LINGO1: variants seen among roughly 807,000 people sequenced by gnomAD.
LINGO1 encodes the protein leucine rich repeat and Ig domain containing 1.
LINGO1 carries 11 observed loss-of-function variants against 37.3 expected under a neutral mutation model. The ratio of observed to expected loss-of-function variants is 0.29; its 90% confidence interval spans 0.19 to 0.49. The LOEUF is 0.49. Among genes scored for constraint, LINGO1 ranks in the 20% least tolerant of loss-of-function variants. LINGO1 has a pLI of 0.99. For missense variants in LINGO1, 585 were observed against 878.2 expected (o/e 0.67, Z 4.22); for synonymous variants, 387 against 403.0 (o/e 0.96, Z 0.48).
chr15:77,640,257 CCCTGTGAG>C (rs2074475930), intron 3 of LINGO1, among the ~76,000 whole-genome samples: 1 of 152,184 alleles, frequency 6.6e-6, no homozygotes, highest in Non-Finnish European at 1.5e-5. Context: ...TTTGCAGAGA[CCCTGTGAG>C]CCAAGCCTGG....
At chr15:77,719,555 G>A (rs73465837) in intron 2 of LINGO1, among the ~76,000 whole-genome samples, 2,325 of 149,630 alleles carry the variant, frequency 0.016, 103 homozygotes, top group African/African-American at 0.054. Flanking sequence ...CTCGGCTCCT[G>A]CCGGCATATG....
At chr15:77,639,991 T>C (rs1315724933) in intron 3 of LINGO1, among the ~76,000 whole-genome samples, 1 of 152,176 alleles carries the variant, frequency 6.6e-6, no homozygotes, top group African/African-American at 2.4e-5. Flanking sequence ...TCAGCAACGC[T>C]ATGGGCTCCC....
chr15:77,764,025 C>T (rs957744981), intron 1 of LINGO1, among the ~76,000 whole-genome samples: 26 of 152,218 alleles, frequency 1.7e-4, no homozygotes, highest in African/African-American at 6.3e-4. Flanking sequence ...CTCAGTTCTC[C>T]AAAGGAGAAC....
rs542621106 is a variant in LINGO1 at position 77,784,711 on chromosome 15, G to A, written c.-257+2158C>T. On this transcript the variant is annotated intron_variant, in intron 1 of 3. Coordinates refer to the LINGO1 transcript ENST00000561686. ...TTTTAAAGCCTCTCTCGGTGGCTCA[G>A]AGGCATGAGTAGTCTTACACCTGGG... 4 of 150,524 alleles carry A rather than the reference G, an allele frequency of 2.7e-5. No homozygotes were observed. In the South Asian group the frequency reaches 8.6e-4, roughly 32 times the overall value. The allele number at this position is 150,524 out of a possible 1,614,324, so 9.3% of individuals were successfully genotyped here. A position where few individuals can be genotyped will look rare whatever the true frequency, so the allele number is the denominator to read the frequency against.
At chr15:77,767,966 ACACT>A (rs1449181543) in intron 1 of LINGO1, among the ~76,000 whole-genome samples, 1 of 152,242 alleles carries the variant, frequency 6.6e-6, no homozygotes, top group African/African-American at 2.4e-5. Flanking sequence ...AGGGAAGTAA[ACACT>A]CAAACAATCC....
rs185015692 is a variant in LINGO1 at position 77,713,693 on chromosome 15, C to T, written c.-195+21299G>A. Among the ~76,000 whole-genome samples, 243 of 152,186 alleles carry T rather than the reference C, an allele frequency of 1.6e-3. 3 individuals carry two copies. Among genetic ancestry groups the T allele is most frequent in the African/African-American group, 5.3e-3 (220 of 41,518 alleles). On this transcript the variant is annotated intron_variant, in intron 2 of 3. Transcript: ENST00000561686. ...GAATCAGGTTTGTGGACTGTGCCAA[C>T]GTCAGTGACCTGTCTCTGATATTGT...
chr15:77,718,943 G>GGGGCT (rs1273717890), intron 2 of LINGO1, among the ~76,000 whole-genome samples: 7 of 150,750 alleles, frequency 4.6e-5, no homozygotes, highest in Non-Finnish European at 5.9e-5. Context: ...AAGAGAGGCT[G>GGGGCT]GGGCTGGGCT....
At chr15:77,765,326 A>C (rs2076516746) in intron 1 of LINGO1, among the ~76,000 whole-genome samples, 5 of 152,056 alleles carry the variant, frequency 3.3e-5, no homozygotes, top group Admixed American at 2.6e-4. Flanking sequence ...GAGACATGAG[A>C]ATCGCTTGAA....
intron 2 of LINGO1, among the ~76,000 whole-genome samples, chr15:77,716,570 T>C (rs2075988219): frequency 1.3e-5 from 2 of 149,816 alleles, no homozygotes; most frequent in South Asian, 2.2e-4. Flanking sequence ...CACACACACG[T>C]CTATGCAGCA....
At chr15:77,691,685 C>T (rs1312074253) in intron 1 of LINGO1, among the ~76,000 whole-genome samples, 1 of 152,054 alleles carries the variant, frequency 6.6e-6, no homozygotes, top group Non-Finnish European at 1.5e-5. Flanking sequence ...TTATTTATAA[C>T]AGCAAGACAC....
In LINGO1 at chr15:77,731,130, C is replaced by T. The variant is rs554832750; in HGVS notation, c.-195+3862G>A. Among the ~76,000 whole-genome samples the T allele has an allele frequency of 2.6e-5, 4 of 152,328 alleles. No individual in the cohort carries two copies. In the East Asian group the frequency reaches 5.8e-4, roughly 22 times the overall value. On this transcript the variant is annotated intron_variant, in intron 2 of 3. Transcript: ENST00000561686. ...CGGGTACCTTCCAGCCCCCCAGACACCCCTCCATCCTGGCAGGCAGGCTGG... is the reference window on the plus strand; with the variant it reads ...CGGGTACCTTCCAGCCCCCCAGACATCCCTCCATCCTGGCAGGCAGGCTGG...
intron 1 of LINGO1, among the ~76,000 whole-genome samples, chr15:77,781,150 C>T (rs1567580916): frequency 6.6e-6 from 1 of 152,198 alleles, no homozygotes; most frequent in African/African-American, 2.4e-5. Flanking sequence ...CAGGGACAGT[C>T]CCCAGATTGA....
intron 1 of LINGO1, among the ~76,000 whole-genome samples, chr15:77,743,515 A>C (rs960667344): frequency 1.3e-5 from 2 of 152,148 alleles, no homozygotes; most frequent in African/African-American, 4.8e-5. Flanking sequence ...CAGTCTAAAG[A>C]GGGTTGGGAG....
chr15:77,621,639 C>T (rs890706505), intron 1 of LINGO1, among the ~76,000 whole-genome samples: 6 of 152,178 alleles, frequency 3.9e-5, no homozygotes, highest in African/African-American at 1.4e-4. Flanking sequence ...AGGCCCTAGT[C>T]CTCAGAGAGC....
chr15:77,790,827 T>C (rs1004627660), upstream of LINGO1, among the ~76,000 whole-genome samples: 1 of 152,076 alleles, frequency 6.6e-6, no homozygotes, highest in South Asian at 2.1e-4. Context: ...GGAAGAGCCA[T>C]GTAAGAGCTC....
intron 1 of LINGO1, among the ~76,000 whole-genome samples, chr15:77,740,711 A>G (rs959679483): frequency 1.3e-5 from 2 of 152,126 alleles, no homozygotes; most frequent in African/African-American, 4.8e-5. Context: ...TTGAATACAC[A>G]AAGATTTGGA....
intron 1 of LINGO1, among the ~76,000 whole-genome samples, chr15:77,768,797 T>A (rs1032931623): frequency 1.3e-5 from 2 of 152,122 alleles, no homozygotes; most frequent in African/African-American, 2.4e-5. Context: ...AGCCCTTTAA[T>A]GGAAATCGAT....
chr15:77,659,489 G>A (rs1231882645), intron 3 of LINGO1, among the ~76,000 whole-genome samples: 2 of 152,190 alleles, frequency 1.3e-5, no homozygotes, highest in African/African-American at 4.8e-5. Flanking sequence ...GGATCCTTAA[G>A]GCCATCTGAC....
chr15:77,741,580 C>G (rs528224479), intron 1 of LINGO1, among the ~76,000 whole-genome samples: 23 of 152,302 alleles, frequency 1.5e-4, no homozygotes, highest in African/African-American at 5.5e-4. Flanking sequence ...GGGCAGGCCG[C>G]AGGCCCCACA....
Sources: allele counts gnomAD v4.1 joint callset (sites outside exome capture counted in the v4.1 genomes callset), GRCh38; gene constraint gnomAD v4.1.1; transcripts MANE v1.5; gene names NCBI Gene and HGNC (gene_info 2026-07-23, HGNC 2026-07-21).